STIM1: variants seen among roughly 807,000 people sequenced by gnomAD.
STIM1 encodes stromal interaction molecule 1.
Under a neutral mutation model 74.7 loss-of-function variants are expected in STIM1, and 25 were observed. That is an observed-to-expected ratio of 0.33 (90% CI 0.24 to 0.47). The LOEUF (loss-of-function observed/expected upper bound fraction) is 0.47. Among genes scored for constraint, STIM1 ranks in the 20% least tolerant of loss-of-function variants. The probability of loss-of-function intolerance (pLI) is 1.00; values close to 1 mark genes in which losing one functional copy is unlikely to be tolerated. For synonymous variants in STIM1, 328 were observed against 348.8 expected (o/e 0.94, Z 0.66); for missense variants, 728 against 920.8 (o/e 0.79, Z 2.71).
At chr11:3,878,049 G>A (rs772449433) in intron 1 of STIM1, among the ~76,000 whole-genome samples, 1 of 152,214 alleles carries the variant, frequency 6.6e-6, no homozygotes, top group African/African-American at 2.4e-5. Context: ...GTGGTCAAGC[G>A]TTGGTAAGTT....
rs56890594 is a variant in STIM1, at chr11:3,941,653, CATAT to C, written c.140-25881_140-25878del. 2.7e-3 allele frequency among the ~76,000 whole-genome samples: 334 copies of C among 122,722 alleles called. 1 individual carries two copies. Among genetic ancestry groups the C allele is most frequent in the Middle Eastern group, 8.3e-3 (2 of 240 alleles). The allele number at this position is 122,722 out of a possible 152,430, so 80.5% of individuals were successfully genotyped here. ...TATAGAGAGATAGTGTGTGTGTATA[CATAT>C]ATATATATATATATATAGAGAGAGA... is the stretch of plus-strand genomic sequence containing the variant. On this transcript the variant is annotated intron_variant, in intron 1 of 12. Transcript: ENST00000526596.
At chr11:3,873,683 C>A (rs554966584) in intron 1 of STIM1, among the ~76,000 whole-genome samples, 1 of 152,180 alleles carries the variant, frequency 6.6e-6, no homozygotes, top group Admixed American at 6.5e-5. Flanking sequence ...GGCAAGAGGG[C>A]AGTTCTGTTA....
intron 12 of STIM1, among the ~76,000 whole-genome samples, chr11:4,087,395 A>G (rs2094500142): frequency 6.6e-6 from 1 of 152,214 alleles, no homozygotes. Flanking sequence ...AATTTGTGCT[A>G]ACATCCTGTG....
rs1481250386 is a variant in STIM1, at chr11:4,077,990, T to C, written c.969+3311T>C. On this transcript the variant is annotated intron_variant, in intron 7 of 12. Transcript: ENST00000526596. ...TTTGAAGTCCTTGTCTTATAATTCT[T>C]ACATCTGGATCATTTATGGGACTGC... 2.0e-5 allele frequency among the ~76,000 whole-genome samples: 3 copies of C among 152,348 alleles called. No homozygotes were observed. In the East Asian group the frequency reaches 5.8e-4, roughly 29 times the overall value.
chr11:3,954,168 C>G (rs1224207585), intron 1 of STIM1, among the ~76,000 whole-genome samples: 1 of 152,070 alleles, frequency 6.6e-6, no homozygotes, highest in Non-Finnish European at 1.5e-5. Context: ...TCCTTCTTCT[C>G]CCATTCTCTT....
At chr11:4,003,772 C>A (rs1246953783) in intron 2 of STIM1, among the ~76,000 whole-genome samples, 1 of 152,086 alleles carries the variant, frequency 6.6e-6, no homozygotes, top group Non-Finnish European at 1.5e-5. Context: ...AAAGGGTATT[C>A]GATTAGGAAA....
At position 3,967,547 on chromosome 11, in the gene STIM1, C is replaced by T. The variant is rs200528985; in HGVS notation, c.140-5C>T. On this transcript the variant is annotated splice_polypyrimidine_tract_variant and splice_region_variant and intron_variant, in intron 1 of 12. Transcript: ENST00000526596. ...GTAATTTTGTCTCTTGCTTTTCTTA[C>T]ACAGAGTTTTGCCGAATTGACAAGC... is the stretch of plus-strand genomic sequence containing the variant. 27 of 1,614,028 alleles carry T rather than the reference C, an allele frequency of 1.7e-5. No homozygotes were observed. The highest frequency in any genetic ancestry group is 2.3e-5 in the Non-Finnish European group (27 of 1,179,996).
chr11:3,895,670 CT>C (rs56013852), intron 1 of STIM1, among the ~76,000 whole-genome samples: 2,142 of 42,640 alleles, frequency 0.05, 126 homozygotes, highest in Middle Eastern at 0.096. Context: ...TTCTTTCTTT[CT>C]TTCCTTCCTT....
At chr11:3,954,523 T>G (rs532558976) in intron 1 of STIM1, among the ~76,000 whole-genome samples, 1 of 152,324 alleles carries the variant, frequency 6.6e-6, no homozygotes, top group Non-Finnish European at 1.5e-5. Flanking sequence ...AAATAATTAC[T>G]ATTGTGAAAA....
intron 1 of STIM1, among the ~76,000 whole-genome samples, chr11:3,937,447 G>A (rs1014427631): frequency 2.0e-5 from 3 of 152,166 alleles, no homozygotes; most frequent in African/African-American, 7.2e-5. Flanking sequence ...AAGGGGTCAG[G>A]CTTAGTTCCA....
chr11:3,893,504 G>A (rs1317411715), intron 1 of STIM1, among the ~76,000 whole-genome samples: 2 of 152,154 alleles, frequency 1.3e-5, no homozygotes, highest in African/African-American at 4.8e-5. Flanking sequence ...GAATGACCTT[G>A]GACACAAGTA....
At chr11:3,892,097 G>T (rs982238040) in intron 1 of STIM1, among the ~76,000 whole-genome samples, 1 of 152,226 alleles carries the variant, frequency 6.6e-6, no homozygotes. Context: ...ATCTCTTCTT[G>T]ATTTTCTAGC....
At chr11:3,999,148 C>A (rs1229258906) in intron 2 of STIM1, among the ~76,000 whole-genome samples, 1 of 152,174 alleles carries the variant, frequency 6.6e-6, no homozygotes, top group Non-Finnish European at 1.5e-5. Context: ...GAGTTTGAGA[C>A]TAGCCTGGAC....
At chr11:4,000,795 A>C (rs1003928469) in intron 2 of STIM1, among the ~76,000 whole-genome samples, 33 of 152,352 alleles carry the variant, frequency 2.2e-4, no homozygotes, top group South Asian at 6.2e-4. Context: ...TCCAAGCTAC[A>C]GGAGGAAATT....
rs1379785106 is a variant in STIM1, at chr11:4,059,378, C to A, written c.595C>A (p.Leu199Ile). ...GCAGCTGAAGGCTCTGGATACAGTGCTCTTTGGGCCTCCTCTCTGTGAGTC... is the reference window on the plus strand; with the variant it reads ...GCAGCTGAAGGCTCTGGATACAGTGATCTTTGGGCCTCCTCTCTGTGAGTC... Reference protein sequence around the residue: ...KLQLKALDTVLFGPPLLTRHN... With the variant: ...KLQLKALDTVIFGPPLLTRHN... Residue 199 changes from leucine (L) to isoleucine (I), a missense_variant, in exon 5 of 13, where the codon CTC becomes ATC. Coordinates refer to ENST00000526596, the MANE Select transcript of STIM1 (RefSeq NM_001382567.1). 2.5e-6 allele frequency: 4 copies of A among 1,614,022 alleles called. No individual in the cohort carries two copies. The South Asian group carries it at 4.4e-5, about 18-fold the overall frequency.
At chr11:4,056,328 A>T (rs1368102742) in intron 4 of STIM1, among the ~76,000 whole-genome samples, 1 of 152,146 alleles carries the variant, frequency 6.6e-6, no homozygotes, top group Non-Finnish European at 1.5e-5. Context: ...TGGGAAGGGG[A>T]TGGAGTACTG....
At chr11:4,008,872 A>G (rs749022664) in intron 2 of STIM1, among the ~76,000 whole-genome samples, 1 of 152,202 alleles carries the variant, frequency 6.6e-6, no homozygotes, top group Non-Finnish European at 1.5e-5. Context: ...CATTGACGTT[A>G]TAAAGAAATG....
intron 1 of STIM1, among the ~76,000 whole-genome samples, chr11:3,946,668 T>A (rs1424041499): frequency 1.3e-5 from 2 of 152,234 alleles, no homozygotes; most frequent in African/African-American, 4.8e-5. Context: ...CCTGTTTGGT[T>A]CTGTCATTGT....
chr11:4,083,588 G>A (rs2094476880), intron 10 of STIM1, 90 bp downstream of exon 10: 1 of 1,222,204 alleles, frequency 8.2e-7, no homozygotes, highest in African/African-American at 1.5e-5. Flanking sequence ...AACAGCAGAT[G>A]GGGCAGATAC....
Sources: gnomAD v4.1 joint callset for allele counts (sites outside exome capture counted in the v4.1 genomes callset) on GRCh38, gnomAD v4.1.1 for gene constraint, MANE v1.5 for transcripts, NCBI Gene and HGNC (gene_info 2026-07-23, HGNC 2026-07-21) for gene names.